The following STXBP4 variants were observed in gnomAD, a reference collection of about 807,000 sequenced individuals.
STXBP4 encodes syntaxin-binding protein 4.
A neutral mutation model predicts 76.1 loss-of-function variants in STXBP4; 55 were observed. That is an observed-to-expected ratio of 0.72 (90% confidence interval 0.58 to 0.91). The LOEUF is 0.91. Among genes scored for constraint, STXBP4 ranks in the 40% least tolerant of loss-of-function variants. The pLI is 0.00. For missense variants in STXBP4, 618 were observed against 636.9 expected (o/e 0.97, Z 0.32); for synonymous variants, 201 against 220.2 (o/e 0.91, Z 0.77).
At chr17:55,001,926 G>T (rs118005609) in intron 7 of STXBP4, among the ~76,000 whole-genome samples, 1 of 152,254 alleles carries the variant, frequency 6.6e-6, no homozygotes, top group East Asian at 1.9e-4. Context: ...GCCACCGCTC[G>T]TGCCTGGCTC....
In STXBP4 at chr17:54,990,898, C is replaced by T. The variant is rs757140831; in HGVS notation, c.121C>T (p.Arg41Trp). Residue 41 changes from arginine to tryptophan, a missense_variant, in exon 4 of 18, where the codon CGG becomes TGG. Physicochemically the swap from Arg to Trp is moderately radical, Grantham distance 101 (BLOSUM62 -3). Coordinates refer to ENST00000376352, the MANE Select transcript of STXBP4 (RefSeq NM_178509.6). Reference protein sequence around the residue: ...LGLKVLGGINRNEGPLVYIQE... With the variant: ...LGLKVLGGINWNEGPLVYIQE... ...CCTGAAGGTACTAGGAGGAATTAAC[C>T]GGAATGAAGGCCCATTGGTATATAT... 37 of 1,603,532 alleles carry T rather than the reference C, an allele frequency of 2.3e-5. 1 individual carries two copies. The South Asian group carries it at 2.4e-4, about 10-fold the overall frequency.
intron 16 of STXBP4, among the ~76,000 whole-genome samples, chr17:55,092,955 CA>C (rs547744128): frequency 4.0e-5 from 6 of 151,112 alleles, no homozygotes; most frequent in South Asian, 4.2e-4. Flanking sequence ...ATTTATTAAA[CA>C]AAAAAACATT....
At chr17:55,028,393 T>C (rs2078451652) in intron 8 of STXBP4, among the ~76,000 whole-genome samples, 2 of 152,120 alleles carry the variant, frequency 1.3e-5, no homozygotes, top group Non-Finnish European at 2.9e-5. Context: ...GAGTAATATA[T>C]TGATAATTAT....
intron 10 of STXBP4, among the ~76,000 whole-genome samples, chr17:55,034,784 A>G (rs2078569716): frequency 6.6e-6 from 1 of 152,092 alleles, no homozygotes. Flanking sequence ...AAATTGGGTA[A>G]CTACTCTTTC....
intron 16 of STXBP4, among the ~76,000 whole-genome samples, chr17:55,099,488 C>CTTA (rs1228337410): frequency 2.0e-5 from 3 of 152,138 alleles, no homozygotes; most frequent in Non-Finnish European, 4.4e-5. Context: ...AGAAACTGTA[C>CTTA]TGAATACTGT....
At chr17:55,026,613 G>A (rs2078420186) in intron 8 of STXBP4, among the ~76,000 whole-genome samples, 1 of 152,186 alleles carries the variant, frequency 6.6e-6, no homozygotes, top group Admixed American at 6.5e-5. Flanking sequence ...AGCTCACAGG[G>A]GAAGGCATTA....
the STXBP4 span, among the ~76,000 whole-genome samples, chr17:55,185,242 T>TCTTCTTCTTCTTCTTCTTCTTCTC: frequency 1.6e-4 from 8 of 50,336 alleles, no homozygotes; most frequent in African/African-American, 7.4e-4. Context: ...TTCTTCTTCT[T>TCTTCTTCTTCTTCTTCTTCTTCTC]CTTCTTCTCC....
At chr17:55,054,185 T>C (rs2078895433) in intron 12 of STXBP4, among the ~76,000 whole-genome samples, 1 of 152,132 alleles carries the variant, frequency 6.6e-6, no homozygotes, top group African/African-American at 2.4e-5. Flanking sequence ...GAGAGAATCT[T>C]ATATGGTTCA....
intron 16 of STXBP4, among the ~76,000 whole-genome samples, chr17:55,107,966 G>A (rs182375145): frequency 4.7e-4 from 72 of 152,322 alleles, no homozygotes; most frequent in African/African-American, 1.3e-3. Flanking sequence ...GATCCGCTGC[G>A]CTCTTCAGAG....
At chr17:55,117,358 T>A (rs1019455999) in intron 16 of STXBP4, among the ~76,000 whole-genome samples, 5 of 151,858 alleles carry the variant, frequency 3.3e-5, no homozygotes, top group Non-Finnish European at 5.9e-5. Context: ...TGTAAAAGAT[T>A]AGTTGTAAAA....
intron 16 of STXBP4, among the ~76,000 whole-genome samples, chr17:55,119,663 A>G (rs1390383661): frequency 6.6e-6 from 1 of 152,032 alleles, no homozygotes; most frequent in Non-Finnish European, 1.5e-5. Context: ...ATTTAAAAAT[A>G]TATAAGTATA....
At chr17:55,142,753 AT>A in intron 17 of STXBP4, among the ~76,000 whole-genome samples, 1 of 152,268 alleles carries the variant, frequency 6.6e-6, no homozygotes, top group Admixed American at 6.5e-5. Context: ...TTCATGCTGA[AT>A]TTTTTTCTTG....
chr17:55,001,926 G>A lies in STXBP4; in HGVS notation c.574+1043G>A, dbSNP rs118005609. Among the ~76,000 whole-genome samples the A allele has an allele frequency of 3.3e-3, 503 of 152,254 alleles. 13 individuals carry two copies. Among genetic ancestry groups the A allele is most frequent in the East Asian group, 0.026 (133 of 5,172 alleles). ...GGATGACAGGCGTGAGCCACCGCTC[G>A]TGCCTGGCTCAATAGCTACCAATCT... On this transcript the variant is annotated intron_variant, in intron 7 of 17. Transcript: ENST00000376352.
At chr17:55,134,878 GA>G (rs2080011343) in intron 16 of STXBP4, among the ~76,000 whole-genome samples, 1 of 152,092 alleles carries the variant, frequency 6.6e-6, no homozygotes, top group South Asian at 2.1e-4. Flanking sequence ...TAAATGCCCA[GA>G]AACAACTGCT....
chr17:55,016,964 G>C (rs1240410720), intron 8 of STXBP4, among the ~76,000 whole-genome samples: 2 of 152,134 alleles, frequency 1.3e-5, no homozygotes, highest in African/African-American at 4.8e-5. Flanking sequence ...CCTCTGGGCC[G>C]TCCGTGGGTT....
intron 16 of STXBP4, among the ~76,000 whole-genome samples, chr17:55,099,941 A>G (rs1301161082): frequency 6.6e-6 from 1 of 152,174 alleles, no homozygotes; most frequent in Non-Finnish European, 1.5e-5. Context: ...GAAGGGGAAT[A>G]AGACTACAGA....
At chr17:55,014,885 T>C (rs550139558) in intron 8 of STXBP4, among the ~76,000 whole-genome samples, 3 of 152,248 alleles carry the variant, frequency 2.0e-5, no homozygotes, top group African/African-American at 7.2e-5. Context: ...CAAAGTCCGC[T>C]TGCCTGAGGG....
chr17:55,193,313 G>T, the STXBP4 span, among the ~76,000 whole-genome samples: 3 of 152,124 alleles, frequency 2.0e-5, no homozygotes. Context: ...CACATGCAAG[G>T]GAATCAAATT....
intron 12 of STXBP4, among the ~76,000 whole-genome samples, chr17:55,068,875 A>G (rs2079085801): frequency 6.6e-6 from 1 of 152,194 alleles, no homozygotes; most frequent in East Asian, 1.9e-4. Flanking sequence ...TTCAAAGCCC[A>G]TGTTTTTTCA....
Sources: gnomAD v4.1 joint callset for allele counts (sites outside exome capture counted in the v4.1 genomes callset) on GRCh38, gnomAD v4.1.1 for gene constraint, MANE v1.5 for transcripts, NCBI Gene and HGNC (gene_info 2026-07-23, HGNC 2026-07-21) for gene names.